Variants in PDZRN4 observed in about 807,000 individuals in gnomAD.
The protein encoded by PDZRN4 is PDZ domain containing ring finger 4.
A neutral mutation model predicts 99.0 loss-of-function variants in PDZRN4; 70 were observed. The ratio of observed to expected loss-of-function variants is 0.71; its 90% CI spans 0.58 to 0.86. PDZRN4 has a LOEUF of 0.86. Ranked by LOEUF, PDZRN4 falls within the 40% of genes least tolerant of loss-of-function variation. The pLI, the probability that PDZRN4 is intolerant of heterozygous loss-of-function variation, is 0.00. For missense variants in PDZRN4, 1,474 were observed against 1,331.2 expected, an observed-to-expected ratio of 1.11 and a Z score of -1.67; for synonymous variants, 551 against 501.6, an observed-to-expected ratio of 1.10 and a Z score of -1.32.
intron 3 of PDZRN4, among the ~76,000 whole-genome samples, chr12:41,341,199 AGAATATGCATCTCAACACAATG>A: frequency 6.6e-6 from 1 of 151,666 alleles, no homozygotes; most frequent in South Asian, 2.1e-4. Flanking sequence ...TTAGGTATGG[AGAATATGCATCTCAACACAATG>A]AAGGCCATGT....
chr12:41,484,984 C>T (rs988794193), intron 3 of PDZRN4, among the ~76,000 whole-genome samples: 2 of 152,138 alleles, frequency 1.3e-5, no homozygotes, highest in African/African-American at 4.8e-5. Context: ...ACTCCCTAAT[C>T]ATCCATCCCA....
At chr12:41,494,375 T>TATAATA (rs1331211876) in intron 3 of PDZRN4, among the ~76,000 whole-genome samples, 1 of 152,118 alleles carries the variant, frequency 6.6e-6, no homozygotes, top group Non-Finnish European at 1.5e-5. Context: ...ATAGGATGAA[T>TATAATA]ATAATAATTT....
chr12:41,439,606 C>G (rs1033330236), intron 3 of PDZRN4, among the ~76,000 whole-genome samples: 2 of 152,066 alleles, frequency 1.3e-5, no homozygotes, highest in African/African-American at 4.8e-5. Flanking sequence ...GAAGCAGGAG[C>G]CTTTGTTATG....
At chr12:41,336,112 C>A (rs2141105) in intron 3 of PDZRN4, among the ~76,000 whole-genome samples, 8 of 151,830 alleles carry the variant, frequency 5.3e-5, no homozygotes, top group African/African-American at 9.7e-5. Flanking sequence ...TGCATGCGGA[C>A]GCAACACAAT....
At chr12:41,423,835 A>G (rs1165847035) in intron 3 of PDZRN4, among the ~76,000 whole-genome samples, 1 of 152,190 alleles carries the variant, frequency 6.6e-6, no homozygotes, top group African/African-American at 2.4e-5. Flanking sequence ...TAGTTAATAT[A>G]TGAGGATCAG....
rs1228211464 is a variant in PDZRN4 at position 41,500,828 on chromosome 12, A to C, written c.844-5628A>C. 3.3e-5 allele frequency among the ~76,000 whole-genome samples: 5 copies of C among 152,288 alleles called. No homozygotes were observed. The East Asian group carries it at 9.7e-4, about 29-fold the overall frequency. ...TTTTGATGAATATAGGGTTCAGATT[A>C]TCTGAAATTCCTTCTCTACCAAACA... On this transcript the variant is annotated intron_variant, in intron 3 of 9. Coordinates refer to ENST00000402685, the MANE Select transcript of PDZRN4 (RefSeq NM_001164595.2).
chr12:41,364,292 G>A (rs750656635), intron 3 of PDZRN4, among the ~76,000 whole-genome samples: 1 of 151,978 alleles, frequency 6.6e-6, no homozygotes, highest in Non-Finnish European at 1.5e-5. Flanking sequence ...TATCCAGTAA[G>A]CTTTCTGAAA....
intron 3 of PDZRN4, among the ~76,000 whole-genome samples, chr12:41,328,098 C>A (rs1278992934): frequency 1.3e-5 from 2 of 152,028 alleles, no homozygotes; most frequent in Non-Finnish European, 2.9e-5. Flanking sequence ...GTCTACCCAA[C>A]TATTAACTAT....
At chr12:41,433,225 C>G (rs1952599816) in intron 3 of PDZRN4, among the ~76,000 whole-genome samples, 5 of 152,140 alleles carry the variant, frequency 3.3e-5, no homozygotes. Flanking sequence ...CAGATGCTTT[C>G]CTCCATTTCC....
At chr12:41,297,140 T>C (rs7961153) in intron 3 of PDZRN4, among the ~76,000 whole-genome samples, 9,349 of 152,230 alleles carry the variant, frequency 0.061, 828 homozygotes, top group African/African-American at 0.2. Flanking sequence ...TGTTGAGAAG[T>C]AAAATTTCTG....
intron 3 of PDZRN4, among the ~76,000 whole-genome samples, chr12:41,278,384 T>A (rs1951363442): frequency 6.6e-6 from 1 of 152,206 alleles, no homozygotes; most frequent in South Asian, 2.1e-4. Context: ...ATCATTGAGA[T>A]GGGTTAATGT....
chr12:41,244,970 G>A (rs1308014126), intron 3 of PDZRN4, among the ~76,000 whole-genome samples: 1 of 151,930 alleles, frequency 6.6e-6, no homozygotes, highest in African/African-American at 2.4e-5. Flanking sequence ...GATTACAGGC[G>A]TGAGCCACCG....
intron 7 of PDZRN4, among the ~76,000 whole-genome samples, chr12:41,562,596 G>A (rs2120832205): frequency 6.6e-6 from 1 of 151,954 alleles, no homozygotes; most frequent in African/African-American, 2.4e-5. Context: ...TGTCTCTATG[G>A]AGTTGAGTAA....
intron 3 of PDZRN4, among the ~76,000 whole-genome samples, chr12:41,196,197 C>T (rs945165719): frequency 6.6e-6 from 1 of 151,760 alleles, no homozygotes; most frequent in Non-Finnish European, 1.5e-5. Context: ...GTCAGATTAA[C>T]CTTATTTAAA....
intron 3 of PDZRN4, among the ~76,000 whole-genome samples, chr12:41,292,535 T>G (rs73122829): frequency 0.12 from 17,898 of 152,194 alleles, 1,551 homozygotes; most frequent in African/African-American, 0.25. Flanking sequence ...GACCCCCCTT[T>G]GACTGGGTTT....
chr12:41,427,828 A>G (rs1026462), intron 3 of PDZRN4, among the ~76,000 whole-genome samples: 84,031 of 151,986 alleles, frequency 0.55, 24,664 homozygotes, highest in African/African-American at 0.77. Context: ...CCTGGCGCAG[A>G]CCTGTAATCC....
intron 3 of PDZRN4, among the ~76,000 whole-genome samples, chr12:41,275,215 G>A (rs1365105498): frequency 1.3e-5 from 2 of 152,056 alleles, no homozygotes; most frequent in Admixed American, 1.3e-4. Flanking sequence ...TTTAATTAAA[G>A]TCTCTGATAA....
intron 3 of PDZRN4, among the ~76,000 whole-genome samples, chr12:41,282,141 C>T (rs777244724): frequency 1.6e-4 from 24 of 152,006 alleles, no homozygotes; most frequent in South Asian, 2.1e-4. Context: ...TCATGTGCAA[C>T]GATACACATA....
intron 3 of PDZRN4, among the ~76,000 whole-genome samples, chr12:41,258,638 T>C (rs997479949): frequency 2.0e-5 from 3 of 152,242 alleles, no homozygotes; most frequent in Admixed American, 2.0e-4. Flanking sequence ...ATATAATTTA[T>C]GTATTCCACA....
Sources: allele counts gnomAD v4.1 joint callset (sites outside exome capture counted in the v4.1 genomes callset), GRCh38; gene constraint gnomAD v4.1.1; transcripts MANE v1.5; gene names NCBI Gene and HGNC (gene_info 2026-07-23, HGNC 2026-07-21).